The following PLXNA4 variants were observed in gnomAD, a reference collection of about 807,000 sequenced individuals.
PLXNA4 encodes the protein plexin A4, also known as plexin-A4.
In PLXNA4, 44 loss-of-function variants were observed where a neutral mutation model predicts 191.8. The ratio of observed to expected loss-of-function variants is 0.23; its 90% confidence interval spans 0.18 to 0.29. The LOEUF is 0.29. PLXNA4 is among the 10% of genes least tolerant of loss of function. The probability of loss-of-function intolerance (pLI) is 1.00; values close to 1 mark genes in which losing one functional copy is unlikely to be tolerated. For missense variants in PLXNA4, 1,800 were observed against 2,488.8 expected (o/e 0.72, Z 5.89); for synonymous variants, 1,082 against 1,009.5 (o/e 1.07, Z -1.36).
At chr7:132,504,024 C>T (rs565245056) in intron 2 of PLXNA4, among the ~76,000 whole-genome samples, 1 of 152,336 alleles carries the variant, frequency 6.6e-6, no homozygotes, top group East Asian at 1.9e-4. Context: ...CACTTGGTGC[C>T]CACTCAGGAA....
chr7:132,497,385 A>G (rs1798068956), intron 2 of PLXNA4, among the ~76,000 whole-genome samples: 1 of 152,178 alleles, frequency 6.6e-6, no homozygotes, highest in Admixed American at 6.5e-5. Context: ...AATACACAAA[A>G]TGCATCCACC....
chr7:132,485,941 A>T (rs1484527551), intron 3 of PLXNA4, among the ~76,000 whole-genome samples: 1 of 152,154 alleles, frequency 6.6e-6, no homozygotes, highest in Admixed American at 6.5e-5. Flanking sequence ...TTTCAAGCAA[A>T]ATAAAAAGTA....
intron 1 of PLXNA4, among the ~76,000 whole-genome samples, chr7:132,527,777 C>T (rs1799463119): frequency 6.6e-6 from 1 of 152,188 alleles, no homozygotes; most frequent in Non-Finnish European, 1.5e-5. Flanking sequence ...ATACTGCCCA[C>T]ATGCCAGACT....
At chr7:132,308,462 C>A (rs115429953) in intron 3 of PLXNA4, among the ~76,000 whole-genome samples, 1 of 152,158 alleles carries the variant, frequency 6.6e-6, no homozygotes, top group Non-Finnish European at 1.5e-5. Flanking sequence ...ACCTGCCATG[C>A]GCCACACACC....
intron 3 of PLXNA4, among the ~76,000 whole-genome samples, chr7:132,437,951 C>T (rs149903839): frequency 2.2e-4 from 33 of 152,244 alleles, no homozygotes; most frequent in African/African-American, 6.7e-4. Flanking sequence ...GCCAAGATTA[C>T]GCCCATGGGT....
At chr7:132,330,383 C>T (rs1409455761) in intron 3 of PLXNA4, among the ~76,000 whole-genome samples, 2 of 152,140 alleles carry the variant, frequency 1.3e-5, no homozygotes, top group African/African-American at 4.8e-5. Flanking sequence ...GGATTTCAAG[C>T]CTTTCCAGTA....
At chr7:132,624,494 T>C (rs142113772) in intron 2 of PLXNA4, among the ~76,000 whole-genome samples, 7 of 152,230 alleles carry the variant, frequency 4.6e-5, no homozygotes, top group African/African-American at 1.7e-4. Context: ...TGGGGGTGTG[T>C]GTGTGGGAAG....
At chr7:132,178,709 CACAT>C (rs1562900890) in intron 20 of PLXNA4, among the ~76,000 whole-genome samples, 1 of 82,134 alleles carries the variant, frequency 1.2e-5, no homozygotes, top group Non-Finnish European at 2.1e-5. Context: ...CATACACATA[CACAT>C]ACACACACAC....
At chr7:132,404,853 G>T (rs753649825) in intron 3 of PLXNA4, among the ~76,000 whole-genome samples, 11 of 152,078 alleles carry the variant, frequency 7.2e-5, no homozygotes, top group Non-Finnish European at 1.3e-4. Context: ...AGACCAGAAG[G>T]TATAGAGGGT....
chr7:132,162,364 A>G (rs1795976774), intron 24 of PLXNA4, among the ~76,000 whole-genome samples: 1 of 152,198 alleles, frequency 6.6e-6, no homozygotes. Flanking sequence ...CTAAATGGAT[A>G]CTGGTCCCTG....
rs80189514 is a variant in PLXNA4 at position 132,533,694 on chromosome 7, C to T, written c.-86-24915G>A. On this transcript the variant is annotated intron_variant, in intron 1 of 31. Transcript: ENST00000321063. The stretch of plus-strand genomic sequence containing the variant: ...GTGGAAGCCGGGCTTCTTGAGCACA[C>T]AGCCTGCAGGACCAGAGAGCTCTGC... Among the ~76,000 whole-genome samples the T allele has an allele frequency of 3.9e-3, 592 of 152,362 alleles. 4 individuals are homozygous for T. Among genetic ancestry groups the T allele is most frequent in the African/African-American group, 0.014 (568 of 41,592 alleles).
intron 1 of PLXNA4, among the ~76,000 whole-genome samples, chr7:132,559,958 C>A (rs1034467520): frequency 6.6e-6 from 1 of 152,154 alleles, no homozygotes; most frequent in Non-Finnish European, 1.5e-5. Context: ...AGAGGGGCTG[C>A]CCCACCTAAA....
At chr7:132,482,849 T>G (rs992720584) in intron 3 of PLXNA4, among the ~76,000 whole-genome samples, 4 of 152,062 alleles carry the variant, frequency 2.6e-5, no homozygotes, top group African/African-American at 9.7e-5. Context: ...TGCACCATCA[T>G]GCCCGGCTAA....
rs73723779 is a variant in PLXNA4 at position 132,320,359 on chromosome 7, T to C, written c.1372-22137A>G. Among the ~76,000 whole-genome samples, 1,255 of 152,304 alleles carry C rather than the reference T, an allele frequency of 8.2e-3. 11 individuals carry two copies. The highest frequency in any genetic ancestry group is 0.028 in the African/African-American group (1,179 of 41,572). On this transcript the variant is annotated intron_variant, in intron 3 of 31. Coordinates refer to ENST00000321063, the MANE Select transcript of PLXNA4 (RefSeq NM_020911.2). Reference sequence around the variant, plus strand: ...AGCATCACTCCAATCTCTGCCTTTGTCTTCACATGGCCCGGGTCTCTCTGT... The same window carrying C: ...AGCATCACTCCAATCTCTGCCTTTGCCTTCACATGGCCCGGGTCTCTCTGT...
intron 1 of PLXNA4, among the ~76,000 whole-genome samples, chr7:132,527,298 A>T (rs1401462231): frequency 6.6e-6 from 1 of 152,120 alleles, no homozygotes; most frequent in East Asian, 1.9e-4. Context: ...TATTTTGCTC[A>T]GCAAGGTAAG....
chr7:132,148,596 T>C lies in PLXNA4; in HGVS notation c.4711A>G (p.Thr1571Ala), dbSNP rs1483740871. 6.2e-7 allele frequency: 1 copy of C among 1,614,188 alleles called. No individual in the cohort carries two copies. The highest frequency in any genetic ancestry group is 1.6e-4 in the Middle Eastern group (1 of 6,062). Residue 1571 changes from threonine (T) to alanine (A), a missense_variant, in exon 26 of 32, where the codon ACC becomes GCC. Around this residue, in one of 6 missense-constraint regions of PLXNA4, gnomAD observed 214 missense variants for 298.2 expected, o/e 0.72. Coordinates refer to ENST00000321063, the MANE Select transcript of PLXNA4 (RefSeq NM_020911.2). The stretch of plus-strand genomic sequence containing the variant: ...TTCCAATCATTCTCAATCTTGGTGG[T>C]GATGTCTTCATCCTGCAAGATCATC... ...ARMILQDEDI[T>A]TKIENDWKRL... is the part of the protein sequence containing the mutation.
intron 3 of PLXNA4, among the ~76,000 whole-genome samples, chr7:132,476,983 T>C (rs1797153617): frequency 6.6e-6 from 1 of 152,096 alleles, no homozygotes; most frequent in Admixed American, 6.5e-5. Flanking sequence ...TGAGAGAGGA[T>C]TTAGTTTTTT....
At chr7:132,496,250 G>A (rs1798006616) in intron 2 of PLXNA4, among the ~76,000 whole-genome samples, 1 of 152,144 alleles carries the variant, frequency 6.6e-6, no homozygotes, top group Admixed American at 6.5e-5. Flanking sequence ...AATAACTCAG[G>A]ATCATAAAAT....
intron 1 of PLXNA4, among the ~76,000 whole-genome samples, chr7:132,566,304 T>TCACACACA (rs139925090): frequency 6.6e-6 from 1 of 151,530 alleles, no homozygotes; most frequent in South Asian, 2.1e-4. Context: ...CCTCTCTCTC[T>TCACACACA]CACACACACA....
Sources: allele counts gnomAD v4.1 joint callset (sites outside exome capture counted in the v4.1 genomes callset), GRCh38; gene constraint gnomAD v4.1.1; regional missense constraint gnomAD v4.1.1; transcripts MANE v1.5; gene names NCBI Gene and HGNC (gene_info 2026-07-23, HGNC 2026-07-21).